FMN2: variants seen among roughly 807,000 people sequenced by gnomAD.
The protein encoded by FMN2 is formin-2.
Under a neutral mutation model 142.3 loss-of-function variants are expected in FMN2, and 51 were observed. The ratio of observed to expected loss-of-function variants is 0.36; its 90% CI spans 0.29 to 0.45. The LOEUF is 0.45. Among genes scored for constraint, FMN2 ranks in the 20% least tolerant of loss-of-function variants. The pLI is 1.00. For synonymous variants in FMN2, 882 were observed against 869.8 expected (o/e 1.01, Z -0.25); for missense variants, 1,936 against 2,122.8 (o/e 0.91, Z 1.73).
chr1:240,265,912 G>GT (rs1668779368), intron 7 of FMN2, among the ~76,000 whole-genome samples: 2 of 119,414 alleles, frequency 1.7e-5, no homozygotes, highest in Non-Finnish European at 3.4e-5. Context: ...AACTTAAAGG[G>GT]GTTTGTTTTT....
intron 8 of FMN2, among the ~76,000 whole-genome samples, chr1:240,323,155 T>TTCTCTTTC (rs1047235434): frequency 5.3e-5 from 8 of 150,994 alleles, no homozygotes; most frequent in African/African-American, 2.0e-4. Context: ...TCCTTTCTCT[T>TTCTCTTTC]TCTCTTTCTC....
chr1:240,313,503 A>ATATCT (rs1558427447), intron 8 of FMN2, among the ~76,000 whole-genome samples: 1 of 152,190 alleles, frequency 6.6e-6, no homozygotes, highest in Non-Finnish European at 1.5e-5. Flanking sequence ...CTTGAATACA[A>ATATCT]TATCTAACAA....
chr1:240,370,770 A>G (rs1193001822), intron 14 of FMN2, among the ~76,000 whole-genome samples: 3 of 152,126 alleles, frequency 2.0e-5, no homozygotes, highest in African/African-American at 7.2e-5. Context: ...CATCACCGCC[A>G]TTCTGTTACC....
intron 16 of FMN2, chr1:240,457,993 T>C (rs932486780): frequency 3.9e-5 from 6 of 152,266 alleles, no homozygotes; most frequent in Admixed American, 6.6e-5. Flanking sequence ...TCCGCAAGAG[T>C]AGTCTCTGTT....
intron 15 of FMN2, among the ~76,000 whole-genome samples, chr1:240,416,468 C>A (rs1031131067): frequency 1.3e-5 from 2 of 152,056 alleles, no homozygotes; most frequent in East Asian, 3.9e-4. Context: ...CGGGGTTTCG[C>A]CATGTTGGCC....
At chr1:240,181,166 A>G (rs578236311) in intron 3 of FMN2, among the ~76,000 whole-genome samples, 7 of 151,892 alleles carry the variant, frequency 4.6e-5, no homozygotes, top group Non-Finnish European at 1.0e-4. Flanking sequence ...CATCATGCCC[A>G]GCTAATTTTT....
At chr1:240,214,768 A>G (rs1666830983) in intron 6 of FMN2, among the ~76,000 whole-genome samples, 1 of 151,948 alleles carries the variant, frequency 6.6e-6, no homozygotes, top group Non-Finnish European at 1.5e-5. Flanking sequence ...TCAAATAAGG[A>G]TTAAAAAGTT....
intron 1 of FMN2, among the ~76,000 whole-genome samples, chr1:240,105,008 T>A (rs1661550804): frequency 6.6e-6 from 1 of 152,108 alleles, no homozygotes; most frequent in African/African-American, 2.4e-5. Context: ...GATATACATT[T>A]GGAAGTGGAA....
At chr1:240,153,186 G>A (rs946492224) in intron 2 of FMN2, among the ~76,000 whole-genome samples, 3 of 152,238 alleles carry the variant, frequency 2.0e-5, no homozygotes, top group Middle Eastern at 3.4e-3. Flanking sequence ...TGGAGGGTTA[G>A]TGATATTTAC....
chr1:240,208,911 C>T (rs1222840748), intron 5 of FMN2, among the ~76,000 whole-genome samples, 179 bp downstream of exon 5: 1 of 152,100 alleles, frequency 6.6e-6, no homozygotes, highest in African/African-American at 2.4e-5. Context: ...AGCTTTTCTC[C>T]AGAAGTACCA....
rs573904778 is a variant in FMN2 at position 240,143,337 on chromosome 1, C to G, written c.1782+19992C>G. ...AAGGTACAGCCCTCCGGAGTGCAGGCTCCCCATATCTCAGCAAGTGGCCAA... is the reference window on the plus strand; with the variant it reads ...AAGGTACAGCCCTCCGGAGTGCAGGGTCCCCATATCTCAGCAAGTGGCCAA... On this transcript the variant is annotated intron_variant, in intron 2 of 17. Transcript: ENST00000319653. The G allele has an allele frequency of 4.0e-5, 59 of 1,492,466 alleles. No individual in the cohort carries two copies. In the South Asian group the frequency reaches 6.3e-4, roughly 16 times the overall value. 92.5% of individuals were successfully genotyped at this position (1,492,466 alleles called of 1,614,324 possible). A position where few individuals can be genotyped will look rare whatever the true frequency, so the allele number is the denominator to read the frequency against.
chr1:240,274,842 G>T (rs930964163), intron 7 of FMN2, among the ~76,000 whole-genome samples: 16 of 152,136 alleles, frequency 1.1e-4, no homozygotes, highest in Non-Finnish European at 2.9e-5. Context: ...ATTGGCCTAA[G>T]TTAATGAAAG....
intron 14 of FMN2, among the ~76,000 whole-genome samples, chr1:240,380,199 T>C (rs1673179234): frequency 1.3e-5 from 2 of 152,188 alleles, no homozygotes; most frequent in African/African-American, 4.8e-5. Context: ...CATCTGTCCA[T>C]GAAACATTTT....
intron 2 of FMN2, among the ~76,000 whole-genome samples, chr1:240,168,122 TTCTTA>T (rs1398592552): frequency 6.6e-6 from 1 of 152,224 alleles, no homozygotes; most frequent in Non-Finnish European, 1.5e-5. Context: ...GTTATTGTTT[TTCTTA>T]TCTTCCCCTC....
intron 15 of FMN2, among the ~76,000 whole-genome samples, chr1:240,396,975 G>A (rs1344725050): frequency 6.6e-6 from 1 of 152,130 alleles, no homozygotes; most frequent in Non-Finnish European, 1.5e-5. Flanking sequence ...TCCAGTAGTG[G>A]GATTGCTGAG....
intron 8 of FMN2, among the ~76,000 whole-genome samples, chr1:240,298,017 C>T (rs531194698): frequency 6.6e-6 from 1 of 152,220 alleles, no homozygotes; most frequent in East Asian, 1.9e-4. Context: ...TAATTGCTTC[C>T]AAAAGGCCCT....
rs1426930162 is a variant in FMN2, at chr1:240,093,284, C to T, written c.1175C>T (p.Pro392Leu). 1.9e-6 allele frequency: 3 copies of T among 1,607,478 alleles called. No homozygotes were observed. The highest frequency in any genetic ancestry group is 2.5e-6 in the Non-Finnish European group (3 of 1,176,944). ...PEEEAQGPDA[P>L]AAASLPGSPA... ...GAGGAGGCGCAAGGACCTGACGCCC[C>T]CGCGGCCGCTTCCCTGCCCGGCAGC... The change falls in exon 1 of 18, where the codon CCC becomes CTC. Residue 392 changes from proline (P) to leucine (L), a missense_variant. By Grantham distance (98) the Pro-to-Leu change is moderately conservative. Transcript: ENST00000319653.
chr1:240,390,510 C>T (rs1673570337), intron 14 of FMN2, among the ~76,000 whole-genome samples: 1 of 152,082 alleles, frequency 6.6e-6, no homozygotes, highest in Non-Finnish European at 1.5e-5. Context: ...AATTTAGGAG[C>T]TTATGCTTTT....
In FMN2 at chr1:240,208,697, T is replaced by C. The variant is rs753541756; in HGVS notation, c.3885T>C (p.Pro1295=). 10 of 1,613,496 alleles carry C rather than the reference T, an allele frequency of 6.2e-6. No homozygotes were observed. In the South Asian group the frequency reaches 9.9e-5, roughly 16 times the overall value. ...QPIEPCRPMK[P]LYWTRIQLHS... is the part of the protein sequence containing the mutation. ...TAGAGCCTTGTCGACCAATGAAGCCTCTTTACTGGACCAGGATTCAACTAC... is the reference window on the plus strand; with the variant it reads ...TAGAGCCTTGTCGACCAATGAAGCCCCTTTACTGGACCAGGATTCAACTAC... Residue 1295 remains proline, a synonymous_variant, in exon 5 of 18, where the codon CCT becomes CCC. Transcript: ENST00000319653.
Sources: gnomAD v4.1 joint callset for allele counts (sites outside exome capture counted in the v4.1 genomes callset) on GRCh38, gnomAD v4.1.1 for gene constraint, MANE v1.5 for transcripts, NCBI Gene and HGNC (gene_info 2026-07-23, HGNC 2026-07-21) for gene names.